Variants in RBFOX1 observed in about 807,000 individuals in gnomAD.
RBFOX1 encodes RNA binding protein fox-1 homolog 1.
A neutral mutation model predicts 57.7 loss-of-function variants in RBFOX1; 8 were observed. The observed-to-expected ratio is 0.14, with a 90% confidence interval of 0.08 to 0.25. RBFOX1 has a LOEUF of 0.25. Among genes scored for constraint, RBFOX1 ranks in the 10% least tolerant of loss-of-function variants. The pLI, the probability that RBFOX1 is intolerant of heterozygous loss-of-function variation, is 1.00. For synonymous variants in RBFOX1, 326 were observed against 222.4 expected, an observed-to-expected ratio of 1.47 and a Z score of -4.15; for missense variants, 611 against 548.5, an observed-to-expected ratio of 1.11 and a Z score of -1.14.
At position 6,703,452 on chromosome 16, in the gene RBFOX1, C is replaced by G. The variant is rs139675252; in HGVS notation, c.-16+48802C>G. Among the ~76,000 whole-genome samples, 124 of 152,060 alleles carry G rather than the reference C, an allele frequency of 8.2e-4. 1 individual carries two copies. Among genetic ancestry groups the G allele is most frequent in the African/African-American group, 2.9e-3 (122 of 41,482 alleles). On this transcript the variant is annotated intron_variant, in intron 3 of 15. Coordinates refer to ENST00000550418, the MANE Select transcript of RBFOX1 (RefSeq NM_018723.4). The stretch of plus-strand genomic sequence containing the variant: ...ATTAGCCAGGTATCGTGGTACATGC[C>G]TGTAGTCCTAGATGCTGGGGAGGCT...
intron 3 of RBFOX1, among the ~76,000 whole-genome samples, chr16:5,727,092 C>G (rs1261662826): frequency 6.6e-6 from 1 of 152,138 alleles, no homozygotes; most frequent in Non-Finnish European, 1.5e-5. Context: ...AACCCTGTTT[C>G]TGCTAAAAAT....
At chr16:7,058,513 C>G (rs888700641) in intron 4 of RBFOX1, among the ~76,000 whole-genome samples, 1 of 152,178 alleles carries the variant, frequency 6.6e-6, no homozygotes, top group Non-Finnish European at 1.5e-5. Context: ...CTTCAATCCT[C>G]TCTATGTCAA....
intron 2 of RBFOX1, among the ~76,000 whole-genome samples, chr16:6,560,347 G>C (rs1426672971): frequency 7.1e-6 from 1 of 140,666 alleles, no homozygotes; most frequent in Non-Finnish European, 1.5e-5. Flanking sequence ...GAGTGGGGGT[G>C]GAAGAATCCA....
At chr16:7,440,318 C>G (rs2098756460) in intron 4 of RBFOX1, among the ~76,000 whole-genome samples, 2 of 152,104 alleles carry the variant, frequency 1.3e-5, no homozygotes, top group Non-Finnish European at 2.9e-5. Context: ...GGTATGTGAA[C>G]TAACACTGTG....
intron 3 of RBFOX1, among the ~76,000 whole-genome samples, chr16:6,753,767 C>G (rs1173780198): frequency 3.9e-5 from 6 of 152,098 alleles, no homozygotes; most frequent in Admixed American, 3.3e-4. Flanking sequence ...TTATGTGATT[C>G]GTAGTGAGAG....
At chr16:6,888,382 A>G (rs2064627199) in intron 3 of RBFOX1, among the ~76,000 whole-genome samples, 1 of 152,142 alleles carries the variant, frequency 6.6e-6, no homozygotes, top group East Asian at 1.9e-4. Flanking sequence ...GTGAAAATCC[A>G]AACTTGGAGG....
At position 6,436,216 on chromosome 16, in the gene RBFOX1, C is replaced by T. The variant is rs142963673; in HGVS notation, c.-64+119159C>T. ...TACCTGCTTTAAGGGTGATATTGAC[C>T]ATGGGAATGCAAGAGCTACCCGAAT... On this transcript the variant is annotated intron_variant, in intron 2 of 15. Coordinates refer to ENST00000550418, the MANE Select transcript of RBFOX1 (RefSeq NM_018723.4). Among the ~76,000 whole-genome samples the T allele has an allele frequency of 9.3e-3, 1,411 of 152,238 alleles. 26 individuals are homozygous for T. Among genetic ancestry groups the T allele is most frequent in the African/African-American group, 0.032 (1,347 of 41,540 alleles).
chr16:6,816,612 C>A (rs1368606421), intron 3 of RBFOX1, among the ~76,000 whole-genome samples: 1 of 151,406 alleles, frequency 6.6e-6, no homozygotes, highest in Non-Finnish European at 1.5e-5. Flanking sequence ...TGGTGGCGGG[C>A]ACCTGTAGTC....
At chr16:7,016,487 C>G (rs965366049) in intron 3 of RBFOX1, among the ~76,000 whole-genome samples, 1 of 152,126 alleles carries the variant, frequency 6.6e-6, no homozygotes, top group African/African-American at 2.4e-5. Context: ...CACTGAACTG[C>G]CGTGATAACA....
chr16:7,491,684 G>T (rs1438966303), intron 4 of RBFOX1, among the ~76,000 whole-genome samples: 1 of 152,052 alleles, frequency 6.6e-6, no homozygotes, highest in African/African-American at 2.4e-5. Context: ...AGGCTGGAGT[G>T]CAAGTACATG....
intron 1 of RBFOX1, among the ~76,000 whole-genome samples, chr16:6,300,181 G>A (rs1176103260): frequency 6.6e-6 from 1 of 152,190 alleles, no homozygotes; most frequent in Non-Finnish European, 1.5e-5. Flanking sequence ...GTTTACCAGA[G>A]GCTGGTGAGA....
At chr16:5,887,795 G>T (rs904415795) in intron 4 of RBFOX1, among the ~76,000 whole-genome samples, 1 of 152,196 alleles carries the variant, frequency 6.6e-6, no homozygotes, top group African/African-American at 2.4e-5. Context: ...CCGAATGGTT[G>T]TGCCAGAATT....
chr16:5,882,964 G>A (rs1211162378), intron 4 of RBFOX1, among the ~76,000 whole-genome samples: 2 of 152,114 alleles, frequency 1.3e-5, no homozygotes, highest in African/African-American at 4.8e-5. Flanking sequence ...AAGGAACGTT[G>A]TTGTTGGCAT....
intron 4 of RBFOX1, among the ~76,000 whole-genome samples, chr16:5,926,913 T>C (rs1356131616): frequency 6.6e-6 from 1 of 152,194 alleles, no homozygotes; most frequent in Non-Finnish European, 1.5e-5. Context: ...TTTATACAGT[T>C]TGGGAAGGCA....
chr16:5,749,502 C>G (rs887680217), intron 3 of RBFOX1, among the ~76,000 whole-genome samples: 64 of 152,312 alleles, frequency 4.2e-4, no homozygotes, highest in East Asian at 1.4e-3. Flanking sequence ...TTCAGGTACA[C>G]CAATCAGATG....
rs200758200 is a variant in RBFOX1 at position 6,496,937 on chromosome 16, G to A, written c.-63-157666G>A. Among the ~76,000 whole-genome samples the A allele has an allele frequency of 3.3e-5, 5 of 152,124 alleles. No homozygotes were observed. The East Asian group carries it at 9.7e-4, about 29-fold the overall frequency. ...ACTACGCCATTGCACTCCAGCCTGGGCAACAAGAGAGAAACTCCGTCTTCG... is the reference window on the plus strand; with the variant it reads ...ACTACGCCATTGCACTCCAGCCTGGACAACAAGAGAGAAACTCCGTCTTCG... On this transcript the variant is annotated intron_variant, in intron 2 of 15. Coordinates refer to ENST00000550418, the MANE Select transcript of RBFOX1 (RefSeq NM_018723.4).
At chr16:7,071,839 C>T (rs922830642) in intron 4 of RBFOX1, among the ~76,000 whole-genome samples, 18 of 152,184 alleles carry the variant, frequency 1.2e-4, no homozygotes, top group African/African-American at 4.1e-4. Context: ...CATTAATCTG[C>T]TCTTCCTCCC....
intron 3 of RBFOX1, among the ~76,000 whole-genome samples, chr16:6,967,438 A>G (rs765759465): frequency 2.0e-5 from 3 of 152,162 alleles, no homozygotes; most frequent in Non-Finnish European, 4.4e-5. Context: ...AAGTAATGAC[A>G]TTTGGAGCTA....
chr16:7,465,849 G>A (rs763466106), intron 4 of RBFOX1, among the ~76,000 whole-genome samples: 1 of 152,176 alleles, frequency 6.6e-6, no homozygotes, highest in Non-Finnish European at 1.5e-5. Flanking sequence ...AACTGATGTC[G>A]AGTGTTTGAT....
Sources: gnomAD v4.1 joint callset for allele counts (sites outside exome capture counted in the v4.1 genomes callset) on GRCh38, gnomAD v4.1.1 for gene constraint, MANE v1.5 for transcripts, NCBI Gene and HGNC (gene_info 2026-07-23, HGNC 2026-07-21) for gene names.